The following HABP2 variants were observed in gnomAD, a reference collection of about 807,000 sequenced individuals.
HABP2 encodes hyaluronan binding protein 2.
A neutral mutation model predicts 66.5 loss-of-function variants in HABP2; 65 were observed. That is an observed-to-expected ratio of 0.98 (90% CI 0.80 to 1.20). The LOEUF (loss-of-function observed/expected upper bound fraction) is 1.20. Among genes scored for constraint, HABP2 ranks in the 50% most tolerant of loss-of-function variants. The pLI, the probability that HABP2 is intolerant of heterozygous loss-of-function variation, is 0.00. For missense variants in HABP2, 786 were observed against 691.0 expected (o/e 1.14, Z -1.54); for synonymous variants, 263 against 253.9 (o/e 1.04, Z -0.34).
chr10:113,578,554 A>G (rs1845457174), intron 6 of HABP2, 73 bp from the exon 7 acceptor site: 1 of 1,010,156 alleles, frequency 9.9e-7, no homozygotes, highest in African/African-American at 1.6e-5. Context: ...CATGTCACAT[A>G]CCCACCAAGC....
chr10:113,568,805 G>A (rs11575715), intron 2 of HABP2, among the ~76,000 whole-genome samples: 449 of 152,294 alleles, frequency 2.9e-3, no homozygotes, highest in African/African-American at 0.01. Flanking sequence ...GGCTGTGGGA[G>A]CTATGGGGTG....
At chr10:113,586,706 A>T (rs1845642923) in intron 12 of HABP2, among the ~76,000 whole-genome samples, 1 of 152,046 alleles carries the variant, frequency 6.6e-6, no homozygotes, top group Admixed American at 6.6e-5. Flanking sequence ...CCTTTCTAGA[A>T]TCCCAGGAAC....
At chr10:113,565,581 A>G (rs963678311) in intron 1 of HABP2, among the ~76,000 whole-genome samples, 1 of 152,210 alleles carries the variant, frequency 6.6e-6, no homozygotes, top group Non-Finnish European at 1.5e-5. Flanking sequence ...GTACTAATCC[A>G]TTTGTAATGG....
In HABP2 at chr10:113,584,350, C is replaced by T. The variant is rs1016954634; in HGVS notation, c.1372+68C>T. ...TCAACCAGAGAAGAAAGGCCAAACT[C>T]AACTGCCCTTTTGAAGTTGAAATGA... On this transcript the variant is annotated intron_variant, in intron 11 of 12. Coordinates refer to ENST00000351270, the MANE Select transcript of HABP2 (RefSeq NM_004132.5). 2.9e-6 allele frequency: 4 copies of T among 1,356,352 alleles called. No individual in the cohort carries two copies. The African/African-American group carries it at 4.3e-5, about 15-fold the overall frequency. The allele number at this position is 1,356,352 out of a possible 1,614,324, so 84.0% of individuals were successfully genotyped here. A position where few individuals can be genotyped will look rare whatever the true frequency, so the allele number is the denominator to read the frequency against.
At chr10:113,567,414 C>A in intron 1 of HABP2, 75 bp from the exon 2 acceptor site, 1 of 1,136,228 alleles carries the variant, frequency 8.8e-7, no homozygotes, top group Non-Finnish European at 1.3e-6. Context: ...ACGATCTCCT[C>A]TGGCTGACAG....
Position 113,588,466 on chromosome 10 carries a change from A to G in HABP2, c.*97A>G. 1 of 863,344 alleles carries G rather than the reference A, an allele frequency of 1.2e-6. No homozygotes were observed. Among genetic ancestry groups the G allele is most frequent in the Non-Finnish European group, 1.8e-6 (1 of 562,866 alleles). The allele number at this position is 863,344 out of a possible 1,614,324, so 53.5% of individuals were successfully genotyped here. A position where few individuals can be genotyped will look rare whatever the true frequency, so the allele number is the denominator to read the frequency against. ...TGGACACCTCCAGAGCCTCCAGGGG[A>G]CCACACAGTAGACTATCCCTACTCT... On this transcript the variant is annotated 3_prime_UTR_variant, in exon 13 of 13. Coordinates refer to ENST00000351270, the MANE Select transcript of HABP2 (RefSeq NM_004132.5).
chr10:113,553,791 C>T (rs367705950), intron 1 of HABP2, among the ~76,000 whole-genome samples: 46 of 152,248 alleles, frequency 3.0e-4, no homozygotes, highest in African/African-American at 1.0e-3. Context: ...GGTTGCAGTG[C>T]GCAGGGAAGG....
chr10:113,582,419 A>T (rs1845557409), intron 9 of HABP2, among the ~76,000 whole-genome samples: 1 of 152,220 alleles, frequency 6.6e-6, no homozygotes, highest in Non-Finnish European at 1.5e-5. Flanking sequence ...TAGGATCTCC[A>T]GTGTCTTGAG....
rs745740374 is a variant in HABP2, at chr10:113,567,499, T to G, written c.80T>G (p.Met27Arg). ...VGKTACGFSL[M>R]SLLESLDPDW... Reference sequence around the variant, plus strand: ...TGTTTTGTTTTTCAGTTCTCCCTGATGTCTTTATTGGAAAGCCTGGACCCA... The same window carrying G: ...TGTTTTGTTTTTCAGTTCTCCCTGAGGTCTTTATTGGAAAGCCTGGACCCA... The change falls in exon 2 of 13, where the codon ATG becomes AGG. Residue 27 changes from methionine to arginine, a missense_variant. Met to Arg is a moderately conservative substitution (Grantham distance 91). Transcript: ENST00000351270. 1.4e-5 allele frequency: 23 copies of G among 1,612,570 alleles called. No individual in the cohort carries two copies. The highest frequency in any genetic ancestry group is 2.0e-5 in the Non-Finnish European group (23 of 1,178,558).
intron 1 of HABP2, among the ~76,000 whole-genome samples, chr10:113,556,089 T>C (rs1235698369): frequency 1.3e-5 from 2 of 152,188 alleles, no homozygotes; most frequent in Non-Finnish European, 1.5e-5. Context: ...TAAAACAATG[T>C]TTACATTTCT....
intron 2 of HABP2, among the ~76,000 whole-genome samples, chr10:113,573,630 T>C (rs1306582337): frequency 6.6e-6 from 1 of 152,148 alleles, no homozygotes; most frequent in African/African-American, 2.4e-5. Flanking sequence ...CAACTTAGAG[T>C]GAACAATACA....
At chr10:113,573,627 G>A (rs1565102189) in intron 2 of HABP2, among the ~76,000 whole-genome samples, 1 of 152,208 alleles carries the variant, frequency 6.6e-6, no homozygotes, top group Non-Finnish European at 1.5e-5. Context: ...TCTCAACTTA[G>A]AGTGAACAAT....
intron 2 of HABP2, chr10:113,570,135 G>A (rs1034335762): frequency 6.6e-5 from 10 of 152,178 alleles, no homozygotes; most frequent in African/African-American, 2.4e-4. Context: ...TCGTAAAAAG[G>A]CAAATAAAAC....
chr10:113,579,870 CCT>C (rs1195047656), intron 7 of HABP2, among the ~76,000 whole-genome samples: 1 of 152,016 alleles, frequency 6.6e-6, no homozygotes, highest in Non-Finnish European at 1.5e-5. Flanking sequence ...GCAACCTCTG[CCT>C]CTCAGGTTCA....
intron 8 of HABP2, among the ~76,000 whole-genome samples, chr10:113,581,297 C>T (rs1399586866): frequency 6.6e-6 from 1 of 152,170 alleles, no homozygotes; most frequent in African/African-American, 2.4e-5. Context: ...GGAAGTCCTC[C>T]TTGATTTCTC....
chr10:113,577,154 A>C lies in HABP2; in HGVS notation c.336A>C (p.Gln112His), dbSNP rs147625063. Residue 112 changes from glutamine to histidine, a missense_variant, in exon 5 of 13, where the codon CAA becomes CAC. Gln to His is a conservative substitution (Grantham distance 24). Coordinates refer to ENST00000351270, the MANE Select transcript of HABP2 (RefSeq NM_004132.5). ...PFSGNKCQKV[Q>H]NTCKDNPCGR... is the part of the protein sequence containing the mutation. Reference sequence around the variant, plus strand: ...TATGTTATGGATCTCCTACAGTGCAAAATACGTGCAAGGACAACCCATGTG... The same window carrying C: ...TATGTTATGGATCTCCTACAGTGCACAATACGTGCAAGGACAACCCATGTG... 1 of 1,588,832 alleles carries C rather than the reference A, an allele frequency of 6.3e-7. No individual in the cohort carries two copies. The highest frequency in any genetic ancestry group is 1.3e-5 in the African/African-American group (1 of 74,320).
Position 113,588,356 on chromosome 10 carries a change from A to AAAGT in HABP2, c.1671_1674dup (p.Gly559LysfsTer84), listed in dbSNP as rs774955793. ...TGGATCAAAGCCACCATCAAAAGTG[A>AAAGT]AAGTGGCTTCTAAGGTACTGTCTTC... On this transcript the variant is annotated frameshift_variant, in exon 13 of 13. Coordinates refer to ENST00000351270, the MANE Select transcript of HABP2 (RefSeq NM_004132.5). LOFTEE classifies it high-confidence loss of function. 5 of 1,612,780 alleles carry AAAGT rather than the reference A, an allele frequency of 3.1e-6. No homozygotes were observed. The highest frequency in any genetic ancestry group is 1.3e-5 in the African/African-American group (1 of 75,016).
chr10:113,551,828 T>G (rs188058825), upstream of HABP2, among the ~76,000 whole-genome samples: 231 of 150,372 alleles, frequency 1.5e-3, 3 homozygotes, highest in African/African-American at 5.4e-3. Flanking sequence ...ATAATAATAA[T>G]AAAAAGAAAA....
At chr10:113,555,236 G>T (rs529794505) in intron 1 of HABP2, among the ~76,000 whole-genome samples, 1 of 152,212 alleles carries the variant, frequency 6.6e-6, no homozygotes, top group Non-Finnish European at 1.5e-5. Context: ...TTACAGAAAC[G>T]AAGCTGGAAA....
Sources: gnomAD v4.1 joint callset for allele counts (sites outside exome capture counted in the v4.1 genomes callset) on GRCh38, gnomAD v4.1.1 for gene constraint, MANE v1.5 for transcripts, NCBI Gene and HGNC (gene_info 2026-07-23, HGNC 2026-07-21) for gene names.